The following RAB40C variants were observed in gnomAD, a reference collection of about 807,000 sequenced individuals.
The protein encoded by RAB40C is RAB40C, member RAS oncogene family, also known as ras-related protein Rab-40C.
A neutral mutation model predicts 28.1 loss-of-function variants in RAB40C; 8 were observed. The observed-to-expected ratio is 0.28, with a 90% CI of 0.17 to 0.51. The LOEUF (loss-of-function observed/expected upper bound fraction) is 0.51, where lower values mean the gene tolerates loss of function less well. RAB40C is among the 20% of genes least tolerant of loss of function. RAB40C has a pLI of 0.97. For synonymous variants in RAB40C, 201 were observed against 171.7 expected (o/e 1.17, Z -1.34); for missense variants, 288 against 405.9 (o/e 0.71, Z 2.50).
intron 3 of RAB40C, among the ~76,000 whole-genome samples, chr16:622,622 C>G (rs1468036953): frequency 6.6e-6 from 1 of 152,214 alleles, no homozygotes; most frequent in Non-Finnish European, 1.5e-5. Flanking sequence ...ATTCTCCTGC[C>G]TCAGGCTCCC....
In RAB40C at chr16:621,387, C is replaced by T. The variant is rs376984115; in HGVS notation, c.264+3127C>T. Among the ~76,000 whole-genome samples the T allele has an allele frequency of 9.2e-5, 14 of 152,186 alleles. No homozygotes were observed. In the South Asian group the frequency reaches 1.2e-3, roughly 14 times the overall value. Reference sequence around the variant, plus strand: ...ACTAGCAAGGACTGTCTGTCCCAGCCGGGATTTGTCACTCTGCCTCCCTCC... The same window carrying T: ...ACTAGCAAGGACTGTCTGTCCCAGCTGGGATTTGTCACTCTGCCTCCCTCC... On this transcript the variant is annotated intron_variant, in intron 3 of 5. Transcript: ENST00000248139.
chr16:604,414 C>G (rs1012126651), intron 1 of RAB40C, among the ~76,000 whole-genome samples: 4 of 151,872 alleles, frequency 2.6e-5, no homozygotes, highest in Non-Finnish European at 5.9e-5. Context: ...CTCTAGAATA[C>G]ACGAGTCCTT....
In RAB40C at chr16:627,499, C is replaced by T; in HGVS notation, c.723C>T (p.Tyr241=). 6.2e-7 allele frequency: 1 copy of T among 1,613,924 alleles called. No homozygotes were observed. The highest frequency in any genetic ancestry group is 8.5e-7 in the Non-Finnish European group (1 of 1,180,016). ...MNAVMMHGRS[Y]SLASGAGGGG... is the part of the protein sequence containing the mutation. ...CGGTCATGATGCACGGCCGTTCCTA[C>T]TCCCTGGCCAGCGGGGCCGGGGGCG... Residue 241 remains tyrosine, a synonymous_variant, in exon 6 of 6, where the codon TAC becomes TAT. Transcript: ENST00000248139.
chr16:602,734 A>G (rs1414142469), intron 1 of RAB40C, among the ~76,000 whole-genome samples: 1 of 152,202 alleles, frequency 6.6e-6, no homozygotes, highest in East Asian at 1.9e-4. Flanking sequence ...TGCCTGGCCA[A>G]TAAATTATTT....
At chr16:598,372 A>C (rs1391888581) in intron 1 of RAB40C, among the ~76,000 whole-genome samples, 1 of 109,148 alleles carries the variant, frequency 9.2e-6, no homozygotes, top group Admixed American at 9.7e-5. Flanking sequence ...GCGAGACTCC[A>C]CCTCAAAAAA....
At chr16:624,173 G>C (rs1300642246) in intron 3 of RAB40C, 1 of 985,332 alleles carries the variant, frequency 1.0e-6, no homozygotes, top group Non-Finnish European at 1.2e-6. Context: ...TTACTTCTGA[G>C]TTGTGGGCTT....
chr16:615,884 C>T (rs1036833286), intron 1 of RAB40C, among the ~76,000 whole-genome samples: 7 of 152,070 alleles, frequency 4.6e-5, no homozygotes, highest in Non-Finnish European at 8.8e-5. Flanking sequence ...ATCGCTTGAA[C>T]CCGGGAGGTG....
At chr16:616,322 G>A (rs556115193) in intron 1 of RAB40C, among the ~76,000 whole-genome samples, 58 of 124,898 alleles carry the variant, frequency 4.6e-4, no homozygotes, top group African/African-American at 1.8e-3. Context: ...CCAGAGTCCG[G>A]AGAAGCAGCA....
Position 590,319 on chromosome 16 carries a change from A to G in RAB40C, c.28A>G (p.Ser10Gly). 1 of 1,582,736 alleles carries G rather than the reference A, an allele frequency of 6.3e-7. No individual in the cohort carries two copies. Among genetic ancestry groups the G allele is most frequent in the Admixed American group, 1.7e-5 (1 of 57,362 alleles). ...GGGCTCGCAGGGCAGTCCGGTGAAG[A>G]GCTACGACTACCTGCTCAAGTTCCT... is the stretch of plus-strand genomic sequence containing the variant. MGSQGSPVKSYDYLLKFLLV... is the reference protein window; with the variant it reads MGSQGSPVKGYDYLLKFLLV... The change falls in exon 1 of 6, where the codon AGC becomes GGC. Residue 10 changes from serine (S) to glycine (G), a missense_variant. By Grantham distance (56) the Ser-to-Gly change is moderately conservative. Around this residue, in one of 3 missense-constraint regions of RAB40C, gnomAD observed 78 missense variants for 88.2 expected, o/e 0.88. Coordinates refer to ENST00000248139, the MANE Select transcript of RAB40C (RefSeq NM_021168.5).
At chr16:594,332 G>A (rs1392214649) in intron 1 of RAB40C, among the ~76,000 whole-genome samples, 2 of 152,220 alleles carry the variant, frequency 1.3e-5, no homozygotes, top group Admixed American at 6.5e-5. Context: ...CTGGCAAGTT[G>A]TGGGGAGAAA....
chr16:611,321 G>T (rs2036479359), intron 1 of RAB40C, among the ~76,000 whole-genome samples: 2 of 152,210 alleles, frequency 1.3e-5, no homozygotes, highest in African/African-American at 4.8e-5. Context: ...TGTCTTGTGG[G>T]TGTTGCTGGC....
chr16:607,748 G>T (rs866375358), intron 1 of RAB40C, among the ~76,000 whole-genome samples: 3 of 152,166 alleles, frequency 2.0e-5, no homozygotes, highest in Non-Finnish European at 4.4e-5. Context: ...CCGAGATCGC[G>T]CCACTGCACT....
Position 610,763 on chromosome 16 carries a change from C to T in RAB40C, c.143-6445C>T, listed in dbSNP as rs1160346159. ...CCGCCCTGCCCCACCCCGTCACCTGCTTGCCCTGACCCTGCCTGGATAATT... is the reference window on the plus strand; with the variant it reads ...CCGCCCTGCCCCACCCCGTCACCTGTTTGCCCTGACCCTGCCTGGATAATT... On this transcript the variant is annotated intron_variant, in intron 1 of 5. Transcript: ENST00000248139. This position sits in a 1 kb window ranked among gnomAD's most constrained non-coding sequence, Gnocchi z 4.6. 6.6e-6 allele frequency among the ~76,000 whole-genome samples: 1 copy of T among 151,202 alleles called. No individual in the cohort carries two copies. Among genetic ancestry groups the T allele is most frequent in the Non-Finnish European group, 1.5e-5 (1 of 67,786 alleles).
chr16:617,310 C>G, intron 2 of RAB40C, 42 bp downstream of exon 2: 1 of 1,608,316 alleles, frequency 6.2e-7, no homozygotes, highest in Middle Eastern at 1.7e-4. Context: ...GGTGAGGACA[C>G]AAATGCCGAA....
chr16:603,699 A>G (rs770551364), intron 1 of RAB40C, among the ~76,000 whole-genome samples: 2 of 152,126 alleles, frequency 1.3e-5, no homozygotes, highest in Non-Finnish European at 2.9e-5. Flanking sequence ...ATATGTACCT[A>G]TGCAGCCAGT....
chr16:598,277 C>G (rs570679792), intron 1 of RAB40C, among the ~76,000 whole-genome samples: 3 of 151,804 alleles, frequency 2.0e-5, no homozygotes, highest in East Asian at 3.9e-4. Flanking sequence ...ACTTGGGAGG[C>G]TGAGGTACGA....
At chr16:590,508 G>A (rs898295818) in intron 1 of RAB40C, 75 bp downstream of exon 1, 9 of 1,392,636 alleles carry the variant, frequency 6.5e-6, no homozygotes, top group Non-Finnish European at 7.5e-6. Flanking sequence ...CTCGCCCTCG[G>A]CCCGGCCCTT....
chr16:616,255 C>T (rs1326162740), intron 1 of RAB40C, among the ~76,000 whole-genome samples: 1 of 113,430 alleles, frequency 8.8e-6, no homozygotes, highest in Non-Finnish European at 1.9e-5. Context: ...GACTCTGTCT[C>T]AAAAAAAAAA....
chr16:608,405 T>C (rs1442142088), intron 1 of RAB40C, among the ~76,000 whole-genome samples: 1 of 152,182 alleles, frequency 6.6e-6, no homozygotes, highest in African/African-American at 2.4e-5. Flanking sequence ...TGAGCCTGCT[T>C]AGCTCCCACC....
Sources: gnomAD v4.1 joint callset for allele counts (sites outside exome capture counted in the v4.1 genomes callset) on GRCh38, gnomAD v4.1.1 for gene constraint, gnomAD v4.1.1 regional missense constraint, Gnocchi (gnomAD v3.1) non-coding constraint, MANE v1.5 for transcripts, NCBI Gene and HGNC (gene_info 2026-07-23, HGNC 2026-07-21) for gene names.